The following KMT2C variants were observed in gnomAD, a reference collection of about 807,000 sequenced individuals.
KMT2C encodes the protein lysine methyltransferase 2C.
A neutral mutation model predicts 507.9 loss-of-function variants in KMT2C; 88 were observed. The observed-to-expected ratio is 0.17, with a 90% confidence interval of 0.15 to 0.21. The LOEUF is 0.21. Ranked by LOEUF, KMT2C falls within the 10% of genes least tolerant of loss-of-function variation. The pLI is 1.00. For synonymous variants in KMT2C, 2,049 were observed against 2,080.8 expected, an observed-to-expected ratio of 0.98 and a Z score of 0.42; for missense variants, 4,954 against 5,957.8, an observed-to-expected ratio of 0.83 and a Z score of 5.55.
chr7:152,197,573 T>C (rs1041480873), intron 27 of KMT2C, among the ~76,000 whole-genome samples: 1 of 152,164 alleles, frequency 6.6e-6, no homozygotes, highest in African/African-American at 2.4e-5. Flanking sequence ...TGTAGTTGAA[T>C]GAAAAAAAAT....
intron 1 of KMT2C, among the ~76,000 whole-genome samples, chr7:152,431,642 T>C (rs1014266843): frequency 2.0e-5 from 3 of 150,980 alleles, no homozygotes; most frequent in African/African-American, 4.9e-5. Context: ...TTCTTATTCA[T>C]GGGAATTTCA....
chr7:152,347,920 T>C (rs974493944), intron 2 of KMT2C, among the ~76,000 whole-genome samples: 14 of 152,188 alleles, frequency 9.2e-5, no homozygotes, highest in African/African-American at 3.4e-4. Context: ...TATCAGTGCA[T>C]GCACATGGTT....
At chr7:152,429,623 C>A (rs551378498) in intron 1 of KMT2C, among the ~76,000 whole-genome samples, 1 of 151,772 alleles carries the variant, frequency 6.6e-6, no homozygotes, top group East Asian at 2.0e-4. Context: ...TGGGTTCAAG[C>A]GATTCTCCTG....
intron 9 of KMT2C, among the ~76,000 whole-genome samples, chr7:152,261,836 A>G (rs1404719542): frequency 6.6e-6 from 1 of 152,174 alleles, no homozygotes; most frequent in African/African-American, 2.4e-5. Flanking sequence ...TTTCCTTTCC[A>G]ATGATAAGTC....
Position 152,202,956 on chromosome 7 carries a change from T to G in KMT2C, c.4070A>C (p.Glu1357Ala). 6.2e-7 allele frequency: 1 copy of G among 1,604,774 alleles called. No individual in the cohort carries two copies. Residue 1357 changes from glutamate to alanine, a missense_variant, in exon 26 of 59, where the codon GAA (glutamate) becomes GCA (alanine). Coordinates refer to ENST00000262189, the MANE Select transcript of KMT2C (RefSeq NM_170606.3). ...TACTTGTAAATAGGCAGGGAAAGTT[T>G]CTTCAAGCTTATTTTTCCTTTTTCG... ...RYRKRKNKLE[E>A]TFPAYLQEAF...
At chr7:152,337,358 T>C (rs564032383) in intron 2 of KMT2C, among the ~76,000 whole-genome samples, 9 of 152,318 alleles carry the variant, frequency 5.9e-5, no homozygotes, top group Admixed American at 2.6e-4. Context: ...TTAAATAGCA[T>C]CAGCTATGTG....
intron 1 of KMT2C, among the ~76,000 whole-genome samples, chr7:152,377,413 A>T (rs549555099): frequency 2.0e-5 from 3 of 152,152 alleles, no homozygotes. Flanking sequence ...TCAATGAGTA[A>T]TTTCAATTTT....
rs138070192 is a variant in KMT2C at position 152,364,345 on chromosome 7, C to T, written c.162-5670G>A. Among the ~76,000 whole-genome samples, 1,439 of 152,300 alleles carry T rather than the reference C, an allele frequency of 9.4e-3. 26 individuals are homozygous for T. The highest frequency in any genetic ancestry group is 0.033 in the African/African-American group (1,383 of 41,566). ...ATTTCAGGCCGGGTGTGGTGGCTCA[C>T]GCCTCTAATCCCAGCACTTTGGGAG... On this transcript the variant is annotated intron_variant, in intron 1 of 58. Coordinates refer to ENST00000262189, the MANE Select transcript of KMT2C (RefSeq NM_170606.3).
At chr7:152,340,223 A>T (rs888757853) in intron 2 of KMT2C, among the ~76,000 whole-genome samples, 1 of 148,890 alleles carries the variant, frequency 6.7e-6, no homozygotes, top group Non-Finnish European at 1.5e-5. Context: ...CCTGGGCTCC[A>T]GTTATCCTCC....
Position 152,201,617 on chromosome 7 carries a change from GAAAAAAAAAAA to G in KMT2C, c.4092+1306_4092+1316del, listed in dbSNP as rs745427209. Among the ~76,000 whole-genome samples the G allele has an allele frequency of 2.6e-4, 6 of 22,906 alleles. 1 individual carries two copies. Among genetic ancestry groups the G allele is most frequent in the East Asian group, 1.3e-3 (2 of 1,496 alleles). 15.0% of individuals were successfully genotyped at this position (22,906 alleles called of 152,430 possible). ...CCCAGGAGAAAACAACAACAAAGAT[GAAAAAAAAAAA>G]AAAAAAAAAAAAAAAGGTAAGCCAA... On this transcript the variant is annotated intron_variant, in intron 26 of 58. Coordinates refer to ENST00000262189, the MANE Select transcript of KMT2C (RefSeq NM_170606.3).
intron 6 of KMT2C, among the ~76,000 whole-genome samples, chr7:152,287,355 G>T (rs987875502): frequency 3.9e-5 from 6 of 152,316 alleles, no homozygotes; most frequent in African/African-American, 1.4e-4. Context: ...AAGGTGTAAT[G>T]CAAGTCCAGA....
intron 1 of KMT2C, among the ~76,000 whole-genome samples, chr7:152,409,281 AG>A (rs1274786697): frequency 6.6e-6 from 1 of 152,116 alleles, no homozygotes; most frequent in Non-Finnish European, 1.5e-5. Flanking sequence ...TGCTGGGATT[AG>A]AGGTGTGAGC....
At chr7:152,185,488 T>A (rs761543078) in intron 34 of KMT2C, 70 bp downstream of exon 34, 486 of 1,159,202 alleles carry the variant, frequency 4.2e-4, no homozygotes, top group Non-Finnish European at 5.7e-4. Context: ...TGTTTTTTAT[T>A]AACCTAATAC....
intron 25 of KMT2C, among the ~76,000 whole-genome samples, chr7:152,204,762 A>G (rs1441227186): frequency 6.6e-6 from 1 of 152,176 alleles, no homozygotes; most frequent in African/African-American, 2.4e-5. Context: ...TACCTTATGT[A>G]ACTAAGTTAT....
At chr7:152,254,482 T>C (rs2095612938) in intron 9 of KMT2C, among the ~76,000 whole-genome samples, 1 of 152,172 alleles carries the variant, frequency 6.6e-6, no homozygotes, top group Non-Finnish European at 1.5e-5. Context: ...GAAAAAATTA[T>C]TTCAATGCAA....
At chr7:152,240,852 C>T (rs1588504649) in intron 14 of KMT2C, among the ~76,000 whole-genome samples, 1 of 152,184 alleles carries the variant, frequency 6.6e-6, no homozygotes, top group Non-Finnish European at 1.5e-5. Context: ...CATCTCTCAC[C>T]TAACCTGCTA....
chr7:152,195,576 G>A (rs1262630304), intron 28 of KMT2C: 2 of 983,352 alleles, frequency 2.0e-6, no homozygotes, highest in Non-Finnish European at 2.4e-6. Flanking sequence ...AGACCTATAA[G>A]ACCCAAACCA....
At chr7:152,373,990 A>G (rs2097309992) in intron 1 of KMT2C, among the ~76,000 whole-genome samples, 1 of 152,176 alleles carries the variant, frequency 6.6e-6, no homozygotes, top group South Asian at 2.1e-4. Flanking sequence ...TTACCAAGTA[A>G]TCAGGGAAAT....
chr7:152,239,946 T>A (rs1228694882), intron 14 of KMT2C, among the ~76,000 whole-genome samples: 4 of 152,136 alleles, frequency 2.6e-5, no homozygotes, highest in Non-Finnish European at 5.9e-5. Flanking sequence ...ACTCTTGGGG[T>A]AAGAGATAGG....
Sources: allele counts gnomAD v4.1 joint callset (sites outside exome capture counted in the v4.1 genomes callset), GRCh38; gene constraint gnomAD v4.1.1; transcripts MANE v1.5; gene names NCBI Gene and HGNC (gene_info 2026-07-23, HGNC 2026-07-21).